Variants in VOPP1 observed in about 807,000 individuals in gnomAD.
VOPP1 encodes WW domain binding protein VOPP1.
Under a neutral mutation model 23.5 loss-of-function variants are expected in VOPP1, and 8 were observed. The ratio of observed to expected loss-of-function variants is 0.34; its 90% CI spans 0.20 to 0.61. The LOEUF is 0.61. Ranked by LOEUF, VOPP1 falls within the 20% of genes least tolerant of loss-of-function variation. The pLI is 0.78. For missense variants in VOPP1, 174 were observed against 238.1 expected (o/e 0.73, Z 1.77); for synonymous variants, 83 against 97.3 (o/e 0.85, Z 0.86).
At chr7:55,524,130 C>T (rs1796032838) in intron 1 of VOPP1, among the ~76,000 whole-genome samples, 1 of 152,144 alleles carries the variant, frequency 6.6e-6, no homozygotes, top group African/African-American at 2.4e-5. Flanking sequence ...GTGAAGGGCA[C>T]CATTTCCATC....
intron 1 of VOPP1, chr7:55,561,757 AAAAAAAC>A: frequency 2.1e-6 from 1 of 486,534 alleles, no homozygotes; most frequent in Non-Finnish European, 3.7e-6. Flanking sequence ...CCAAAAAAAA[AAAAAAAC>A]AAACAAGCAA....
chr7:55,461,995 C>A (rs898325805), intron 4 of VOPP1, among the ~76,000 whole-genome samples: 1 of 152,146 alleles, frequency 6.6e-6, no homozygotes, highest in African/African-American at 2.4e-5. Flanking sequence ...AGATGTAGAA[C>A]ATGTTAAGCA....
chr7:55,516,944 T>A (rs1319660544), intron 2 of VOPP1, among the ~76,000 whole-genome samples: 20 of 93,554 alleles, frequency 2.1e-4, no homozygotes, highest in Non-Finnish European at 3.3e-4. Flanking sequence ...TTTTTTTTTT[T>A]TTTTTTTTTT....
chr7:55,435,097 TCTAC>T (rs1302261008), downstream of VOPP1, among the ~76,000 whole-genome samples: 2 of 152,234 alleles, frequency 1.3e-5, no homozygotes, highest in African/African-American at 4.8e-5. Context: ...CTTCTATGGC[TCTAC>T]CTTTCATGAG....
At chr7:55,452,922 A>G (rs185699197) in intron 4 of VOPP1, among the ~76,000 whole-genome samples, 2 of 152,350 alleles carry the variant, frequency 1.3e-5, no homozygotes, top group East Asian at 3.9e-4. Context: ...CACCAACTAT[A>G]TTAGCCCCTA....
chr7:55,483,327 T>G (rs140786494), intron 4 of VOPP1, among the ~76,000 whole-genome samples: 36 of 152,308 alleles, frequency 2.4e-4, no homozygotes, highest in African/African-American at 8.2e-4. Flanking sequence ...AGGCTGTAAT[T>G]TGACCAGCAG....
chr7:55,486,267 T>G (rs530351954), intron 4 of VOPP1, among the ~76,000 whole-genome samples: 1 of 152,348 alleles, frequency 6.6e-6, no homozygotes, highest in South Asian at 2.1e-4. Flanking sequence ...AAATTCTTCT[T>G]GAAATACAGT....
chr7:55,549,800 T>C (rs555479669), intron 1 of VOPP1, among the ~76,000 whole-genome samples: 1 of 152,348 alleles, frequency 6.6e-6, no homozygotes, highest in East Asian at 1.9e-4. Flanking sequence ...CAAGAGAGTA[T>C]GCACACATTC....
rs183409739 is a variant in VOPP1, at chr7:55,564,633, A to G, written c.54+7638T>C. Reference sequence around the variant, plus strand: ...CTTAATCTAGTCACAGATAATAACAAGCAAGCCCACTTTTTAATCGACAGG... The same window carrying G: ...CTTAATCTAGTCACAGATAATAACAGGCAAGCCCACTTTTTAATCGACAGG... On this transcript the variant is annotated intron_variant, in intron 1 of 4. Coordinates refer to ENST00000285279, the MANE Select transcript of VOPP1 (RefSeq NM_030796.5). 1.6e-3 allele frequency among the ~76,000 whole-genome samples: 246 copies of G among 152,294 alleles called. 1 individual carries two copies. The highest frequency in any genetic ancestry group is 2.6e-3 in the Non-Finnish European group (176 of 68,018).
At chr7:55,553,793 A>C in intron 1 of VOPP1, 1 of 124,102 alleles carries the variant, frequency 8.1e-6, no homozygotes, top group African/African-American at 2.6e-5. Flanking sequence ...ACACACACAC[A>C]CACACACACA....
rs12667389 is a variant in VOPP1 at position 55,444,465 on chromosome 7, A to T, written n.418-8291T>A. ...AAGAGAGTCCAAGGCAGAAATTGCAACTCACTTTATCAGAAGTCACACACC... is the reference window on the plus strand; with the variant it reads ...AAGAGAGTCCAAGGCAGAAATTGCATCTCACTTTATCAGAAGTCACACACC... On this transcript the variant is annotated intron_variant and non_coding_transcript_variant, in intron 4 of 4. Coordinates refer to the VOPP1 transcript ENST00000462326. Among the ~76,000 whole-genome samples, 233 of 152,294 alleles carry T rather than the reference A, an allele frequency of 1.5e-3. 2 individuals are homozygous for T. The East Asian group carries it at 0.023, about 15-fold the overall frequency.
At chr7:55,478,959 G>A (rs1280477825) in intron 4 of VOPP1, among the ~76,000 whole-genome samples, 1 of 152,160 alleles carries the variant, frequency 6.6e-6, no homozygotes, top group Non-Finnish European at 1.5e-5. Context: ...AGAGCTGAGG[G>A]GGGCAGCAGG....
chr7:55,487,693 C>T (rs1041714372), intron 4 of VOPP1, among the ~76,000 whole-genome samples: 3 of 152,304 alleles, frequency 2.0e-5, no homozygotes, highest in African/African-American at 7.2e-5. Flanking sequence ...ATGGTCTTGC[C>T]GTACCAGCAA....
At chr7:55,544,637 G>A (rs186645113) in intron 1 of VOPP1, among the ~76,000 whole-genome samples, 1 of 152,226 alleles carries the variant, frequency 6.6e-6, no homozygotes, top group Non-Finnish European at 1.5e-5. Context: ...CCTCACCAGA[G>A]GGGAAACTGA....
intron 4 of VOPP1, among the ~76,000 whole-genome samples, chr7:55,487,167 T>C (rs1194490951): frequency 2.0e-5 from 3 of 152,202 alleles, no homozygotes; most frequent in African/African-American, 7.2e-5. Context: ...CTCCCTACTA[T>C]TTCCATTTTC....
chr7:55,545,911 A>G (rs1797347008), intron 1 of VOPP1, among the ~76,000 whole-genome samples: 1 of 152,012 alleles, frequency 6.6e-6, no homozygotes, highest in Admixed American at 6.6e-5. Flanking sequence ...TCTACAAAAA[A>G]AAATACAAAA....
Position 55,572,443 on chromosome 7 carries a change from G to GGGGGCCCGGCTGGGAGCGGGCGGGAGCC in VOPP1, c.-147_-120dup, listed in dbSNP as rs1798401443. 1.4e-6 allele frequency: 1 copy of GGGGGCCCGGCTGGGAGCGGGCGGGAGCC among 717,202 alleles called. No homozygotes were observed. Among genetic ancestry groups the GGGGGCCCGGCTGGGAGCGGGCGGGAGCC allele is most frequent in the Admixed American group, 5.9e-5 (1 of 16,946 alleles). 44.4% of individuals were successfully genotyped at this position (717,202 alleles called of 1,614,324 possible). A position where few individuals can be genotyped will look rare whatever the true frequency, so the allele number is the denominator to read the frequency against. The stretch of plus-strand genomic sequence containing the variant: ...CCGGGAGCCGTCCCGCCGACCGCTG[G>GGGGGCCCGGCTGGGAGCGGGCGGGAGCC]GGGGCCCGGCTGGGAGCGGGCGGGA... On this transcript the variant is annotated 5_prime_UTR_variant, in exon 1 of 5. Transcript: ENST00000285279.
At chr7:55,537,625 CA>C (rs1796877779) in intron 1 of VOPP1, 6 of 1,532,558 alleles carry the variant, frequency 3.9e-6, no homozygotes, top group Middle Eastern at 3.3e-4. Context: ...CAATACGGAG[CA>C]CACATAAATA....
At chr7:55,546,846 G>A (rs988319702) in intron 1 of VOPP1, among the ~76,000 whole-genome samples, 1 of 152,216 alleles carries the variant, frequency 6.6e-6, no homozygotes, top group African/African-American at 2.4e-5. Flanking sequence ...CAGAGCCTGG[G>A]AGGCTAAGCC....
Sources: allele counts gnomAD v4.1 joint callset (sites outside exome capture counted in the v4.1 genomes callset), GRCh38; gene constraint gnomAD v4.1.1; transcripts MANE v1.5; gene names NCBI Gene and HGNC (gene_info 2026-07-23, HGNC 2026-07-21).